The following ACTR3C variants were observed in gnomAD, a reference collection of about 807,000 sequenced individuals.
The protein encoded by ACTR3C is actin-related protein 3C.
ACTR3C carries 18 observed loss-of-function variants against 26.3 expected under a neutral mutation model. The ratio of observed to expected loss-of-function variants is 0.68; its 90% confidence interval spans 0.47 to 1.01. The LOEUF is 1.01. Among genes scored for constraint, ACTR3C ranks in the 50% least tolerant of loss-of-function variants. The pLI, the probability that ACTR3C is intolerant of heterozygous loss-of-function variation, is 0.00. For missense variants in ACTR3C, 184 were observed against 250.7 expected (o/e 0.73, Z 1.80); for synonymous variants, 55 against 94.5 (o/e 0.58, Z 2.42).
chr7:149,888,234 CT>C, the ACTR3C span, among the ~76,000 whole-genome samples: 6 of 152,160 alleles, frequency 3.9e-5, no homozygotes, highest in African/African-American at 1.2e-4. Flanking sequence ...TTAATGACCC[CT>C]GTGTTACTTC....
chr7:150,139,337 C>T, the ACTR3C span, among the ~76,000 whole-genome samples: 2 of 141,780 alleles, frequency 1.4e-5, no homozygotes, highest in African/African-American at 6.0e-5. Context: ...AGAAGACTGG[C>T]CCTGGTAAAA....
the ACTR3C span, among the ~76,000 whole-genome samples, chr7:150,086,444 C>A: frequency 3.3e-5 from 5 of 152,148 alleles, no homozygotes; most frequent in South Asian, 1.0e-3. Flanking sequence ...AACTTTTGGG[C>A]TCAGTCAGAA....
At chr7:149,991,484 C>T in the ACTR3C span, among the ~76,000 whole-genome samples, 1 of 152,196 alleles carries the variant, frequency 6.6e-6, no homozygotes, top group Non-Finnish European at 1.5e-5. Context: ...ACAGGCTCAG[C>T]AGTGAGCAGC....
intron 1 of ACTR3C, among the ~76,000 whole-genome samples, chr7:150,319,355 G>A (rs1389954182): frequency 6.6e-6 from 1 of 152,128 alleles, no homozygotes; most frequent in Non-Finnish European, 1.5e-5. Context: ...TTACAGGCAT[G>A]CACCACCATG....
the ACTR3C span, among the ~76,000 whole-genome samples, chr7:150,106,207 G>A: frequency 6.6e-6 from 1 of 150,912 alleles, no homozygotes; most frequent in African/African-American, 2.4e-5. Context: ...AGGGCACAAA[G>A]GTTATCACAG....
the ACTR3C span, among the ~76,000 whole-genome samples, chr7:150,071,030 A>G: frequency 6.9e-4 from 86 of 125,542 alleles, no homozygotes; most frequent in African/African-American, 2.0e-3. Context: ...TCCTGACCTC[A>G]TGATCCACCT....
intron 1 of ACTR3C, among the ~76,000 whole-genome samples, chr7:150,318,191 C>T (rs991768296): frequency 6.6e-6 from 1 of 152,004 alleles, no homozygotes; most frequent in African/African-American, 2.4e-5. Context: ...AGGTTTCCTG[C>T]GGTTTGGATA....
the ACTR3C span, among the ~76,000 whole-genome samples, chr7:150,225,499 C>T: frequency 6.6e-6 from 1 of 152,178 alleles, no homozygotes; most frequent in Non-Finnish European, 1.5e-5. Flanking sequence ...TTGTTCAGTT[C>T]TACTCTATAT....
intron 6 of ACTR3C, chr7:150,264,724 A>G (rs982292984): frequency 2.0e-6 from 2 of 975,758 alleles, no homozygotes; most frequent in African/African-American, 3.5e-5. Context: ...GGCCATGGCA[A>G]GTGGACAAGA....
chr7:150,119,282 T>C, the ACTR3C span, among the ~76,000 whole-genome samples: 18 of 152,268 alleles, frequency 1.2e-4, no homozygotes, highest in African/African-American at 3.9e-4. Context: ...AATTAAAAGA[T>C]ACAAACTGGC....
the ACTR3C span, among the ~76,000 whole-genome samples, chr7:150,198,573 G>A: frequency 1.3e-5 from 2 of 148,454 alleles, no homozygotes; most frequent in African/African-American, 2.6e-5. Context: ...CTGCCCGGCC[G>A]CCCCGTCTGA....
the ACTR3C span, among the ~76,000 whole-genome samples, chr7:150,194,261 TTC>T: frequency 6.9e-6 from 1 of 145,108 alleles, no homozygotes. Flanking sequence ...GAAAAGTATT[TTC>T]TTTTATATAT....
chr7:150,162,849 T>C, the ACTR3C span, among the ~76,000 whole-genome samples: 2 of 152,204 alleles, frequency 1.3e-5, no homozygotes, highest in African/African-American at 4.8e-5. Flanking sequence ...TAGAGCAAGC[T>C]AGACATCAGA....
the ACTR3C span, among the ~76,000 whole-genome samples, chr7:150,038,043 G>T: frequency 2.1e-5 from 3 of 141,028 alleles, 1 homozygote; most frequent in Non-Finnish European, 3.1e-5. Flanking sequence ...GAGCCATGGG[G>T]GGAAGAGGGG....
At chr7:150,237,317 T>C in the ACTR3C span, among the ~76,000 whole-genome samples, 1 of 152,218 alleles carries the variant, frequency 6.6e-6, no homozygotes, top group Non-Finnish European at 1.5e-5. Flanking sequence ...CTACGTTGGC[T>C]GCCTGAGGGC....
intron 6 of ACTR3C, among the ~76,000 whole-genome samples, chr7:150,280,905 A>G (rs1449853949): frequency 6.6e-6 from 1 of 152,238 alleles, no homozygotes; most frequent in South Asian, 2.1e-4. Flanking sequence ...ATTAAAAATT[A>G]TATTTCAATA....
the ACTR3C span, among the ~76,000 whole-genome samples, chr7:149,886,736 C>G: frequency 1.3e-5 from 2 of 152,060 alleles, no homozygotes; most frequent in Non-Finnish European, 2.9e-5. Context: ...CGGGCGGATC[C>G]CTTGAGCCCA....
chr7:149,906,421 T>G, the ACTR3C span, among the ~76,000 whole-genome samples: 116 of 3,834 alleles, frequency 0.03, no homozygotes, highest in Admixed American at 0.061. Context: ...TCTTTTTTTT[T>G]TTTTTTTTTT....
At chr7:149,900,341 TA>T in the ACTR3C span, among the ~76,000 whole-genome samples, 3 of 152,068 alleles carry the variant, frequency 2.0e-5, no homozygotes, top group African/African-American at 7.2e-5. Flanking sequence ...CACGCCCAGC[TA>T]ATTTTTGTAT....
Sources: allele counts gnomAD v4.1 joint callset (sites outside exome capture counted in the v4.1 genomes callset), GRCh38; gene constraint gnomAD v4.1.1; transcripts MANE v1.5; gene names NCBI Gene and HGNC (gene_info 2026-07-23, HGNC 2026-07-21).